Variants in CUX1 observed in about 807,000 individuals in gnomAD.
The protein encoded by CUX1 is cut like homeobox 1.
CUX1 carries 31 observed loss-of-function variants against 158.8 expected under a neutral mutation model. The ratio of observed to expected loss-of-function variants is 0.20; its 90% confidence interval spans 0.15 to 0.26. The LOEUF is 0.26. Among genes scored for constraint, CUX1 ranks in the 10% least tolerant of loss-of-function variants. The pLI, the probability that CUX1 is intolerant of heterozygous loss-of-function variation, is 1.00. For synonymous variants in CUX1, 879 were observed against 862.1 expected (o/e 1.02, Z -0.34); for missense variants, 1,589 against 2,014.6 (o/e 0.79, Z 4.04).
intron 6 of CUX1, among the ~76,000 whole-genome samples, chr7:102,105,321 A>T (rs922020242): frequency 9.2e-5 from 14 of 151,982 alleles, no homozygotes; most frequent in African/African-American, 3.1e-4. Context: ...AGTTAGTATC[A>T]GTAAAATATG....
chr7:102,253,844 T>C lies in CUX1; in HGVS notation c.*4802T>C, dbSNP rs1801785354. On this transcript the variant is annotated 3_prime_UTR_variant, in exon 24 of 24. Transcript: ENST00000292535. ...GGCTATTTGCTGTGGTACTTTAGGC[T>C]GGAGGTTTGGCTCCTGTGCTGCCGG... 4 of 985,806 alleles carry C rather than the reference T, an allele frequency of 4.1e-6. No individual in the cohort carries two copies. Among genetic ancestry groups the C allele is most frequent in the Non-Finnish European group, 4.8e-6 (4 of 830,230 alleles). The allele number at this position is 985,806 out of a possible 1,614,324, so 61.1% of individuals were successfully genotyped here.
At chr7:101,919,829 G>A (rs1274003239) in intron 2 of CUX1, among the ~76,000 whole-genome samples, 7 of 152,198 alleles carry the variant, frequency 4.6e-5, no homozygotes, top group Non-Finnish European at 7.4e-5. Flanking sequence ...GGGCTGTGAC[G>A]GGGAGGTGGC....
chr7:101,969,016 T>G (rs948389042), intron 2 of CUX1, among the ~76,000 whole-genome samples: 2 of 152,028 alleles, frequency 1.3e-5, no homozygotes, highest in Non-Finnish European at 1.5e-5. Flanking sequence ...TTAACCTCCC[T>G]GTACTGAGAG....
chr7:101,890,364 G>T (rs1368834858), intron 1 of CUX1, among the ~76,000 whole-genome samples: 1 of 152,096 alleles, frequency 6.6e-6, no homozygotes, highest in Non-Finnish European at 1.5e-5. Flanking sequence ...CCCAACCATG[G>T]TCAAAATGGG....
At chr7:102,033,764 A>T (rs1317245127) in intron 3 of CUX1, among the ~76,000 whole-genome samples, 1 of 152,238 alleles carries the variant, frequency 6.6e-6, no homozygotes, top group Admixed American at 6.5e-5. Context: ...AAATAGAAAG[A>T]GCGAGCACTT....
At chr7:102,281,807 C>G in intron 20 of CUX1, 2 of 1,457,172 alleles carry the variant, frequency 1.4e-6, no homozygotes, top group South Asian at 2.3e-5. Flanking sequence ...GTGAGGCCGG[C>G]CCCATCCCCA....
chr7:102,275,230 C>T, intron 16 of CUX1: 1 of 1,580,396 alleles, frequency 6.3e-7, no homozygotes, highest in Non-Finnish European at 8.6e-7. Flanking sequence ...CCCAAGCCAC[C>T]CTCCTCTACC....
At chr7:102,142,126 C>T (rs1834534092) in intron 8 of CUX1, among the ~76,000 whole-genome samples, 1 of 152,150 alleles carries the variant, frequency 6.6e-6, no homozygotes, top group Admixed American at 6.6e-5. Flanking sequence ...AGCAGTCTTC[C>T]TCTGTAGGTC....
intron 9 of CUX1, among the ~76,000 whole-genome samples, chr7:102,162,791 C>T (rs782454087): frequency 1.3e-5 from 2 of 152,162 alleles, no homozygotes; most frequent in African/African-American, 2.4e-5. Flanking sequence ...TCTGGGGTTA[C>T]AGGCATCAGC....
chr7:101,977,073 C>T (rs377384296), intron 2 of CUX1, among the ~76,000 whole-genome samples: 19 of 151,790 alleles, frequency 1.3e-4, no homozygotes, highest in South Asian at 1.0e-3. Flanking sequence ...CCACCACACC[C>T]GGCTAATTTT....
At position 102,139,252 on chromosome 7, in the gene CUX1, A is replaced by G. The variant is rs546865347; in HGVS notation, c.675-19308A>G. 1.9e-3 allele frequency among the ~76,000 whole-genome samples: 288 copies of G among 150,052 alleles called. 1 individual carries two copies. The highest frequency in any genetic ancestry group is 6.7e-3 in the African/African-American group (275 of 41,048). On this transcript the variant is annotated intron_variant, in intron 8 of 23. Transcript: ENST00000292535. ...AGAGAGAGACTACATCTTAAAAAAA[A>G]AAAAAAAAAAAAAAAGGAATGGTAT...
chr7:102,145,824 G>A (rs922543171), intron 8 of CUX1, among the ~76,000 whole-genome samples: 2 of 152,272 alleles, frequency 1.3e-5, no homozygotes, highest in Middle Eastern at 3.4e-3. Flanking sequence ...GCAGGCTCCT[G>A]TAATCCCAGC....
intron 4 of CUX1, among the ~76,000 whole-genome samples, chr7:102,090,726 C>T (rs1554481989): frequency 6.7e-6 from 1 of 149,886 alleles, no homozygotes; most frequent in Admixed American, 6.7e-5. Flanking sequence ...GAAGATCCTG[C>T]ATTTCTTATA....
chr7:101,967,261 C>T (rs986435038), intron 2 of CUX1, among the ~76,000 whole-genome samples: 8 of 152,052 alleles, frequency 5.3e-5, no homozygotes, highest in Admixed American at 1.3e-4. Flanking sequence ...GCTATCCACC[C>T]GCCTCAGCCT....
rs963714099 is a variant in CUX1 at position 102,251,338 on chromosome 7, A to G, written c.*2296A>G. ...ATTAACTTGTAGGACTTTGACTGTA[A>G]GATGTGAAACCACGTTTCTTGCATG... On this transcript the variant is annotated 3_prime_UTR_variant, in exon 24 of 24. Coordinates refer to ENST00000292535, the MANE Select transcript of CUX1 (RefSeq NM_181552.4). 10 of 985,202 alleles carry G rather than the reference A, an allele frequency of 1.0e-5. No individual in the cohort carries two copies. In the African/African-American group the frequency reaches 1.7e-4, roughly 17 times the overall value. The allele number at this position is 985,202 out of a possible 1,614,324, so 61.0% of individuals were successfully genotyped here. A position where few individuals can be genotyped will look rare whatever the true frequency, so the allele number is the denominator to read the frequency against.
rs1165911319 is a variant in CUX1, at chr7:102,122,205, CTT to C, written c.674+6936_674+6937del. Among the ~76,000 whole-genome samples the C allele has an allele frequency of 6.6e-5, 10 of 152,232 alleles. No homozygotes were observed. The East Asian group carries it at 1.9e-3, about 29-fold the overall frequency. On this transcript the variant is annotated intron_variant, in intron 8 of 23. Transcript: ENST00000292535. ...GAATGTAAAATTTTCTATTTCCTGT[CTT>C]TTTGATGAGTCATCAGTTTCCAGTA...
At chr7:101,948,055 T>C (rs1432146604) in intron 2 of CUX1, among the ~76,000 whole-genome samples, 1 of 152,178 alleles carries the variant, frequency 6.6e-6, no homozygotes, top group Non-Finnish European at 1.5e-5. Flanking sequence ...CTGCCCCCGC[T>C]CTGTTAACAG....
At chr7:102,157,432 G>A (rs1554505623) in intron 8 of CUX1, among the ~76,000 whole-genome samples, 1 of 152,106 alleles carries the variant, frequency 6.6e-6, no homozygotes, top group African/African-American at 2.4e-5. Flanking sequence ...GGTCTGCCCG[G>A]GTGTGCTGCT....
At chr7:102,029,963 A>C (rs539294904) in intron 3 of CUX1, among the ~76,000 whole-genome samples, 1 of 150,192 alleles carries the variant, frequency 6.7e-6, no homozygotes, top group South Asian at 2.1e-4. Context: ...TTATTGAAAA[A>C]TTTCAAAGCT....
Sources: allele counts gnomAD v4.1 joint callset (sites outside exome capture counted in the v4.1 genomes callset), GRCh38; gene constraint gnomAD v4.1.1; transcripts MANE v1.5; gene names NCBI Gene and HGNC (gene_info 2026-07-23, HGNC 2026-07-21).